ZNF433: variants seen among roughly 807,000 people sequenced by gnomAD.
The protein encoded by ZNF433 is zinc finger protein 433.
Under a neutral mutation model 10.6 loss-of-function variants are expected in ZNF433, and 12 were observed. The observed-to-expected ratio is 1.13, with a 90% CI of 0.72 to 1.83. The LOEUF is 1.83. Ranked by LOEUF, ZNF433 falls within the 40% of genes most tolerant of loss-of-function variation. The pLI, the probability that ZNF433 is intolerant of heterozygous loss-of-function variation, is 0.00. For synonymous variants in ZNF433, 272 were observed against 271.3 expected (o/e 1.00, Z -0.02); for missense variants, 737 against 798.0 (o/e 0.92, Z 0.92).
rs895477756 is a variant in ZNF433, at chr19:12,035,627, A to G, written c.-88T>C. The G allele has an allele frequency of 2.0e-6, 3 of 1,522,050 alleles. No individual in the cohort carries two copies. The highest frequency in any genetic ancestry group is 2.7e-6 in the Non-Finnish European group (3 of 1,128,136). 94.3% of individuals were successfully genotyped at this position (1,522,050 alleles called of 1,614,324 possible). On this transcript the variant is annotated 5_prime_UTR_variant, in exon 1 of 4. Transcript: ENST00000550507. Reference sequence around the variant, plus strand: ...GGCAGAGGCACCTGAACCCTCTCGGAGGGGAAAGCCAGGCTCCCAACCTCA... The same window carrying G: ...GGCAGAGGCACCTGAACCCTCTCGGGGGGGAAAGCCAGGCTCCCAACCTCA...
In ZNF433 at chr19:12,016,640, C is replaced by T. The variant is rs1302534311; in HGVS notation, c.218G>A (p.Ser73Asn). The T allele has an allele frequency of 6.2e-7, 1 of 1,613,920 alleles. No homozygotes were observed. Among genetic ancestry groups the T allele is most frequent in the African/African-American group, 1.3e-5 (1 of 74,946 alleles). The part of the protein sequence containing the change: ...LRIVGERLFE[S>N]KEGHQHGEIL... ...TTCTCCATGCTGATGACCTTCTTTA[C>T]TTTCAAAGAGTCTCTCTCCCACAAT... The change falls in exon 4 of 4, where the codon AGT becomes AAT. Residue 73 changes from serine (S) to asparagine (N), a missense_variant. Transcript: ENST00000550507.
rs367737139 is a variant in ZNF433, at chr19:12,015,952, C to T, written c.906G>A (p.Thr302=). The change falls in exon 4 of 4, where the codon ACG becomes ACA. Residue 302 remains threonine (T), a synonymous_variant. Transcript: ENST00000550507. ...HSFQIHERTH[T]GEKPYECKEC... ...CCTTACATTCATATGGCTTCTCCCCCGTGTGAGTTCTTTCATGTATTTGAA... is the reference window on the plus strand; with the variant it reads ...CCTTACATTCATATGGCTTCTCCCCTGTGTGAGTTCTTTCATGTATTTGAA... The T allele has an allele frequency of 3.5e-4, 564 of 1,613,674 alleles. 1 individual carries two copies. The African/African-American group carries it at 4.2e-3, about 12-fold the overall frequency.
At chr19:12,028,494 T>C (rs1974846707) in intron 1 of ZNF433, among the ~76,000 whole-genome samples, 1 of 152,182 alleles carries the variant, frequency 6.6e-6, no homozygotes, top group African/African-American at 2.4e-5. Context: ...GCTCCATCAA[T>C]ATTTTGGTTC....
At position 12,015,347 on chromosome 19, in the gene ZNF433, T is replaced by A. The variant is rs1408069007; in HGVS notation, c.1511A>T (p.Glu504Val). 1.9e-6 allele frequency: 3 copies of A among 1,613,950 alleles called. No homozygotes were observed. Among genetic ancestry groups the A allele is most frequent in the Non-Finnish European group, 2.5e-6 (3 of 1,180,026 alleles). The change falls in exon 4 of 4, where the codon GAA becomes GTA. Residue 504 changes from glutamate (E) to valine (V), a missense_variant. By Grantham distance (121) the Glu-to-Val change is moderately radical. Coordinates refer to ENST00000550507, the MANE Select transcript of ZNF433 (RefSeq NM_001308348.2). ...ERTHTGGKTY[E>V]CKQCGRSFNC... The stretch of plus-strand genomic sequence containing the variant: ...GAAGGATCTGCCACACTGCTTGCAT[T>A]CATAGGTTTTTCCTCCAGTGTGAGT...
chr19:12,030,122 C>G (rs1054618407), intron 1 of ZNF433: 1 of 395,140 alleles, frequency 2.5e-6, no homozygotes, highest in Non-Finnish European at 4.9e-6. Context: ...ATCTGCAAAC[C>G]AGGAAGCAGG....
chr19:12,030,798 G>A (rs1184897675), intron 1 of ZNF433, among the ~76,000 whole-genome samples: 1 of 152,194 alleles, frequency 6.6e-6, no homozygotes, highest in African/African-American at 2.4e-5. Context: ...AACTAAAAGA[G>A]CTGGGCATAC....
chr19:12,032,271 C>T (rs1265208348), intron 1 of ZNF433, among the ~76,000 whole-genome samples: 1 of 151,952 alleles, frequency 6.6e-6, no homozygotes, highest in Non-Finnish European at 1.5e-5. Flanking sequence ...TTGTAATTCA[C>T]CAATCTACCA....
intron 1 of ZNF433, among the ~76,000 whole-genome samples, chr19:12,031,615 G>A (rs2145485370): frequency 6.6e-6 from 1 of 152,296 alleles, no homozygotes; most frequent in East Asian, 1.9e-4. Flanking sequence ...CTGCACTCCA[G>A]CCTAGGCAAC....
rs778140785 is a variant in ZNF433, at chr19:12,018,215, A to G, written c.81T>C (p.Asn27=). 16 of 1,612,380 alleles carry G rather than the reference A, an allele frequency of 9.9e-6. No individual in the cohort carries two copies. Among genetic ancestry groups the G allele is most frequent in the Non-Finnish European group, 1.3e-5 (15 of 1,179,400 alleles). Residue 27 remains asparagine (N), a synonymous_variant, in exon 2 of 4, where the codon AAT becomes AAC. Transcript: ENST00000550507. ...TTTCTTGCATCACATCTCTACAGAG[A>G]TTTTTCTGGGAAGGATCCAGCAAAG... ...EWALLDPSQK[N]LCRDVMQETF... is the part of the protein sequence containing the mutation.
At chr19:12,031,119 A>C (rs1319351914) in intron 1 of ZNF433, among the ~76,000 whole-genome samples, 1 of 151,984 alleles carries the variant, frequency 6.6e-6, no homozygotes, top group Non-Finnish European at 1.5e-5. Context: ...AACACGGTGA[A>C]ACCCCGTCTC....
chr19:12,034,981 ACTT>A (rs1177097367), intron 1 of ZNF433: 5 of 426,274 alleles, frequency 1.2e-5, no homozygotes, highest in South Asian at 6.6e-5. Context: ...CTCTGAATAA[ACTT>A]CTTTAAGTTA....
rs995766104 is a variant in ZNF433 at position 12,015,031 on chromosome 19, G to A, written c.1827C>T (p.His609=). The A allele has an allele frequency of 3.1e-6, 5 of 1,614,090 alleles. No homozygotes were observed. Among genetic ancestry groups the A allele is most frequent in the Non-Finnish European group, 1.7e-6 (2 of 1,179,994 alleles). ...TACATTTATACGGTTTCTCTCCAGT[G>A]TGAGTCCTTCCATGCATTTGAAGTC... ...ASRLQMHGRT[H]TGEKPYKCKQ... The change falls in exon 4 of 4, where the codon CAC becomes CAT. Residue 609 remains histidine (H), a synonymous_variant. Coordinates refer to ENST00000550507, the MANE Select transcript of ZNF433 (RefSeq NM_001308348.2).
intron 1 of ZNF433, chr19:12,023,307 T>TC (rs1974584604): frequency 6.6e-6 from 1 of 152,166 alleles, no homozygotes; most frequent in Non-Finnish European, 1.5e-5. Flanking sequence ...TCTAGGTAGA[T>TC]CTAGTTTAAA....
intron 1 of ZNF433, chr19:12,025,665 C>T (rs1323186224): frequency 6.6e-6 from 1 of 152,206 alleles, no homozygotes; most frequent in Non-Finnish European, 1.5e-5. Flanking sequence ...GTTTGGGAGA[C>T]TAGCTTATGT....
intron 1 of ZNF433, among the ~76,000 whole-genome samples, chr19:12,019,942 C>T (rs1974402368): frequency 1.3e-5 from 2 of 152,150 alleles, no homozygotes; most frequent in South Asian, 2.1e-4. Context: ...TAATAAATCA[C>T]AGTACCAAGT....
intron 3 of ZNF433, among the ~76,000 whole-genome samples, chr19:12,017,220 T>G (rs1442823650): frequency 2.0e-5 from 3 of 152,144 alleles, no homozygotes. Context: ...TTTGTTTTTT[T>G]GAGATGGAGA....
In ZNF433 at chr19:12,015,045, G is replaced by A; in HGVS notation, c.1813C>T (p.His605Tyr). The A allele has an allele frequency of 6.2e-7, 1 of 1,614,076 alleles. No homozygotes were observed. Among genetic ancestry groups the A allele is most frequent in the East Asian group, 2.2e-5 (1 of 44,880 alleles). The change falls in exon 4 of 4, where the codon CAT (histidine) becomes TAT (tyrosine). Residue 605 changes from histidine (H) to tyrosine (Y), a missense_variant. His to Tyr is a moderately conservative substitution (Grantham distance 83, BLOSUM62 2). Transcript: ENST00000550507. ...SFGCASRLQM[H>Y]GRTHTGEKPY... ...TTCTCTCCAGTGTGAGTCCTTCCAT[G>A]CATTTGAAGTCGCGAGGCACATCCA...
intron 3 of ZNF433, among the ~76,000 whole-genome samples, chr19:12,016,994 G>A (rs1277711298): frequency 3.3e-5 from 5 of 151,944 alleles, no homozygotes; most frequent in Non-Finnish European, 7.4e-5. Context: ...CACCTGCCTC[G>A]GCTTCCCAAA....
intron 1 of ZNF433, chr19:12,026,332 C>A: frequency 4.3e-6 from 1 of 234,984 alleles, no homozygotes; most frequent in Non-Finnish European, 8.5e-6. Context: ...GAGGAGGACC[C>A]CAACTGTCAC....
Sources: allele counts gnomAD v4.1 joint callset (sites outside exome capture counted in the v4.1 genomes callset), GRCh38; gene constraint gnomAD v4.1.1; transcripts MANE v1.5; gene names NCBI Gene and HGNC (gene_info 2026-07-23, HGNC 2026-07-21).